The following INPP5B variants were observed in gnomAD, a reference collection of about 807,000 sequenced individuals.
INPP5B encodes inositol polyphosphate-5-phosphatase B.
INPP5B carries 90 observed loss-of-function variants against 118.5 expected under a neutral mutation model. That is an observed-to-expected ratio of 0.76 (90% CI 0.64 to 0.90). The LOEUF (loss-of-function observed/expected upper bound fraction) is 0.90. INPP5B is among the 40% of genes least tolerant of loss of function. The pLI is 0.00. For synonymous variants in INPP5B, 385 were observed against 418.9 expected, an observed-to-expected ratio of 0.92 and a Z score of 0.99; for missense variants, 984 against 1,125.6, an observed-to-expected ratio of 0.87 and a Z score of 1.80.
intron 7 of INPP5B, among the ~76,000 whole-genome samples, chr1:37,927,581 G>C (rs1159821863): frequency 6.7e-6 from 1 of 148,972 alleles, no homozygotes; most frequent in East Asian, 2.0e-4. Flanking sequence ...CTGTCACCAA[G>C]GCTGGAGTCC....
intron 11 of INPP5B, among the ~76,000 whole-genome samples, 168 bp from the exon 12 acceptor site, chr1:37,887,172 G>A (rs1274466801): frequency 1.3e-5 from 2 of 152,122 alleles, no homozygotes; most frequent in Non-Finnish European, 2.9e-5. Flanking sequence ...GCTAACCTAC[G>A]AGTGGCGAGA....
chr1:37,939,733 G>A (rs931134057), intron 6 of INPP5B, among the ~76,000 whole-genome samples: 13 of 151,478 alleles, frequency 8.6e-5, no homozygotes, highest in Non-Finnish European at 1.5e-4. Context: ...GTGAGCCACC[G>A]CGCCCGGCCT....
intron 14 of INPP5B, among the ~76,000 whole-genome samples, chr1:37,882,213 G>T (rs1479453756): frequency 2.0e-5 from 3 of 152,158 alleles, no homozygotes; most frequent in African/African-American, 7.2e-5. Flanking sequence ...TGAACAACCT[G>T]ACCACCTGAA....
At chr1:37,925,716 C>T (rs1253653807) in intron 7 of INPP5B, among the ~76,000 whole-genome samples, 2 of 152,182 alleles carry the variant, frequency 1.3e-5, no homozygotes, top group East Asian at 3.8e-4. Context: ...GGTCACCTCA[C>T]TTGCTCTCAA....
At position 37,899,421 on chromosome 1, in the gene INPP5B, C is replaced by T. The variant is rs139648941; in HGVS notation, c.533-7967G>A. Reference sequence around the variant, plus strand: ...TCTACTTAAAATACAAAATAGCCAGCCGTGGTAGCACATGCCTGTAATCCC... The same window carrying T: ...TCTACTTAAAATACAAAATAGCCAGTCGTGGTAGCACATGCCTGTAATCCC... On this transcript the variant is annotated intron_variant, in intron 7 of 23. Transcript: ENST00000373024. Among the ~76,000 whole-genome samples, 843 of 150,510 alleles carry T rather than the reference C, an allele frequency of 5.6e-3. 3 individuals are homozygous for T. Among genetic ancestry groups the T allele is most frequent in the Non-Finnish European group, 9.2e-3 (618 of 67,534 alleles).
intron 7 of INPP5B, among the ~76,000 whole-genome samples, chr1:37,911,355 C>T (rs1644691837): frequency 6.6e-6 from 1 of 152,186 alleles, no homozygotes; most frequent in Non-Finnish European, 1.5e-5. Flanking sequence ...ATCCGGCCTC[C>T]CACATTATTC....
chr1:37,887,351 C>G lies in INPP5B; in HGVS notation c.1014G>C (p.Lys338Asn), dbSNP rs1331957399. The G allele has an allele frequency of 3.2e-6, 5 of 1,568,318 alleles. No individual in the cohort carries two copies. Among genetic ancestry groups the G allele is most frequent in the Non-Finnish European group, 4.4e-6 (5 of 1,140,780 alleles). The change falls in exon 11 of 24, where the codon AAG becomes AAC. Residue 338 changes from lysine to asparagine, a missense_variant and splice_region_variant. Lys to Asn is a moderately conservative substitution (Grantham distance 94, BLOSUM62 0). This residue lies in a region of INPP5B where 634 missense variants were observed against 791.0 expected (regional missense o/e 0.80). Transcript: ENST00000373024. ...AAGAGGTCCCTGACTCCTCTCTTAC[C>G]TTTGCATATTTGGCATCTGGATGAA... The part of the protein sequence containing the change: ...EGLHPDAKYA[K>N]VKLIRLVGIM...
intron 6 of INPP5B, among the ~76,000 whole-genome samples, chr1:37,937,972 C>CAAA (rs916186225): frequency 1.0e-3 from 58 of 57,632 alleles, no homozygotes; most frequent in African/African-American, 3.8e-3. Context: ...AAGTTGGTCT[C>CAAA]AAAAAAAAAA....
At chr1:37,943,284 C>T (rs1238914637) in intron 5 of INPP5B, among the ~76,000 whole-genome samples, 1 of 152,100 alleles carries the variant, frequency 6.6e-6, no homozygotes, top group South Asian at 2.1e-4. Context: ...AGCCACTGCC[C>T]TGGCCTAATT....
chr1:37,865,652 T>A, intron 22 of INPP5B, 109 bp downstream of exon 22: 1 of 1,218,920 alleles, frequency 8.2e-7, no homozygotes, highest in Non-Finnish European at 1.2e-6. Context: ...GAAGGAAAGA[T>A]AAGGTGTTCA....
intron 7 of INPP5B, among the ~76,000 whole-genome samples, chr1:37,928,138 G>A (rs1329619467): frequency 6.6e-6 from 1 of 152,008 alleles, no homozygotes; most frequent in Non-Finnish European, 1.5e-5. Context: ...AGCTCCTGAG[G>A]GGTGCCTTTG....
intron 19 of INPP5B, among the ~76,000 whole-genome samples, chr1:37,869,769 T>C (rs1455626947): frequency 1.3e-5 from 2 of 151,756 alleles, no homozygotes; most frequent in East Asian, 3.9e-4. Context: ...CGTGAACCAC[T>C]GCACCCAGCC....
chr1:37,866,292 A>G (rs144327985), intron 21 of INPP5B, among the ~76,000 whole-genome samples, 167 bp downstream of exon 21: 17 of 152,270 alleles, frequency 1.1e-4, no homozygotes, highest in African/African-American at 3.6e-4. Flanking sequence ...AGTCTTCTCT[A>G]TGCAAACTTT....
intron 6 of INPP5B, among the ~76,000 whole-genome samples, chr1:37,933,024 G>T (rs1194590413): frequency 1.3e-5 from 2 of 152,134 alleles, no homozygotes; most frequent in Non-Finnish European, 2.9e-5. Flanking sequence ...TGCTCTGTCT[G>T]TAGAGCTGCA....
intron 8 of INPP5B, 97 bp downstream of exon 8, chr1:37,891,261 C>T (rs918176128): frequency 5.1e-6 from 4 of 781,294 alleles, no homozygotes; most frequent in Non-Finnish European, 8.4e-6. Flanking sequence ...CCTAGGCCAG[C>T]TACCCTGGGA....
intron 7 of INPP5B, among the ~76,000 whole-genome samples, chr1:37,895,297 C>T (rs1557661531): frequency 6.6e-6 from 1 of 152,118 alleles, no homozygotes; most frequent in Admixed American, 6.6e-5. Flanking sequence ...ACAGTCTTAC[C>T]ATATGTTCTA....
At chr1:37,944,812 T>C (rs1437563200) in intron 3 of INPP5B, among the ~76,000 whole-genome samples, 1 of 151,382 alleles carries the variant, frequency 6.6e-6, no homozygotes, top group Non-Finnish European at 1.5e-5. Flanking sequence ...GGGGGGGCGG[T>C]CTCGCTATGT....
rs1570184935 is a variant in INPP5B, at chr1:37,899,058, G to A, written c.533-7604C>T. Among the ~76,000 whole-genome samples, 3 of 151,624 alleles carry A rather than the reference G, an allele frequency of 2.0e-5. 1 individual carries two copies. Among genetic ancestry groups the A allele is most frequent in the Admixed American group, 2.0e-4 (3 of 15,176 alleles). On this transcript the variant is annotated intron_variant, in intron 7 of 23. Coordinates refer to ENST00000373024, the MANE Select transcript of INPP5B (RefSeq NM_005540.3). ...TAGCCAGGTGTGGTGGCGCATGCCT[G>A]TAATCCCAGCTACTTGGGAGGCTGA...
At chr1:37,937,991 A>T (rs1408251201) in intron 6 of INPP5B, among the ~76,000 whole-genome samples, 2 of 148,062 alleles carry the variant, frequency 1.4e-5, no homozygotes, top group Non-Finnish European at 3.0e-5. Flanking sequence ...AAAAAAAAAA[A>T]GCTGGACACG....
Sources: gnomAD v4.1 joint callset for allele counts (sites outside exome capture counted in the v4.1 genomes callset) on GRCh38, gnomAD v4.1.1 for gene constraint, gnomAD v4.1.1 regional missense constraint, MANE v1.5 for transcripts, NCBI Gene and HGNC (gene_info 2026-07-23, HGNC 2026-07-21) for gene names.